Variants in HTR1F observed in about 807,000 individuals in gnomAD.
HTR1F encodes 5-hydroxytryptamine receptor 1F, also known as 5-hydroxytryptamine (serotonin) receptor 1F, G protein-coupled.
Under a neutral mutation model 24.0 loss-of-function variants are expected in HTR1F, and 17 were observed. That is an observed-to-expected ratio of 0.71 (90% confidence interval 0.48 to 1.06). The LOEUF (loss-of-function observed/expected upper bound fraction) is 1.06. Among genes scored for constraint, HTR1F ranks in the 50% least tolerant of loss-of-function variants. The pLI is 0.00. For missense variants in HTR1F, 391 were observed against 427.8 expected (o/e 0.91, Z 0.76); for synonymous variants, 186 against 156.8 (o/e 1.19, Z -1.39).
At chr3:87,873,958 G>C (rs1190366490) in intron 2 of HTR1F, among the ~76,000 whole-genome samples, 1 of 151,962 alleles carries the variant, frequency 6.6e-6, no homozygotes, top group African/African-American at 2.4e-5. Context: ...AACAAAATAG[G>C]AGTAGAAGAA....
At chr3:87,943,996 C>T (rs574136973) in intron 2 of HTR1F, among the ~76,000 whole-genome samples, 24 of 152,302 alleles carry the variant, frequency 1.6e-4, no homozygotes, top group African/African-American at 5.8e-4. Context: ...AGTACTAGAG[C>T]CCCCTCTGTG....
At chr3:87,885,967 G>A (rs936769134) in intron 2 of HTR1F, among the ~76,000 whole-genome samples, 24 of 152,078 alleles carry the variant, frequency 1.6e-4, no homozygotes. Flanking sequence ...AGAAAAAGAG[G>A]GAATCCTCCC....
At chr3:87,972,783 T>TA (rs987242374) in intron 2 of HTR1F, among the ~76,000 whole-genome samples, 1 of 152,172 alleles carries the variant, frequency 6.6e-6, no homozygotes, top group African/African-American at 2.4e-5. Context: ...AATCATGTCA[T>TA]ACGCTAAAGA....
At chr3:87,832,399 C>T (rs1285719049) in intron 2 of HTR1F, among the ~76,000 whole-genome samples, 1 of 148,854 alleles carries the variant, frequency 6.7e-6, no homozygotes, top group Non-Finnish European at 1.5e-5. Flanking sequence ...GCGATCTCGG[C>T]TCACTGCAAC....
intron 1 of HTR1F, among the ~76,000 whole-genome samples, chr3:87,797,929 G>A (rs1294558161): frequency 6.6e-6 from 1 of 152,118 alleles, no homozygotes; most frequent in African/African-American, 2.4e-5. Flanking sequence ...TGGCATGACT[G>A]GTGCTAGTAA....
At chr3:87,833,665 A>G (rs1032168395) in intron 2 of HTR1F, among the ~76,000 whole-genome samples, 2 of 151,910 alleles carry the variant, frequency 1.3e-5, no homozygotes, top group Non-Finnish European at 2.9e-5. Context: ...TTAAAATTTT[A>G]TGTAGAGCTA....
chr3:87,836,642 A>G (rs1482903580), intron 2 of HTR1F, among the ~76,000 whole-genome samples: 1 of 152,182 alleles, frequency 6.6e-6, no homozygotes, highest in African/African-American at 2.4e-5. Flanking sequence ...TATATTCAGA[A>G]TGTCCCAATC....
At chr3:87,899,614 C>A (rs1011146473) in intron 2 of HTR1F, among the ~76,000 whole-genome samples, 2 of 152,060 alleles carry the variant, frequency 1.3e-5, no homozygotes, top group African/African-American at 4.8e-5. Context: ...GCCTGTAATC[C>A]AGCTGTGGGA....
chr3:87,985,010 T>A (rs765055733), intron 2 of HTR1F, among the ~76,000 whole-genome samples: 2 of 152,164 alleles, frequency 1.3e-5, no homozygotes, highest in African/African-American at 4.8e-5. Context: ...CCCTTCTCAT[T>A]TTGTAACATA....
intron 2 of HTR1F, among the ~76,000 whole-genome samples, chr3:87,860,375 C>T (rs1358213826): frequency 6.6e-6 from 1 of 152,172 alleles, no homozygotes; most frequent in Non-Finnish European, 1.5e-5. Context: ...GCATAACATA[C>T]ACTGGATTGT....
chr3:87,910,143 C>G (rs554181213), intron 2 of HTR1F: 2 of 152,040 alleles, frequency 1.3e-5, no homozygotes, highest in South Asian at 4.1e-4. Flanking sequence ...AGTATACCTT[C>G]TCTCTTTTCT....
At chr3:87,883,363 G>A (rs1705854345) in intron 2 of HTR1F, among the ~76,000 whole-genome samples, 1 of 152,152 alleles carries the variant, frequency 6.6e-6, no homozygotes, top group Non-Finnish European at 1.5e-5. Flanking sequence ...CAAAGATGGG[G>A]AGAAACCAGA....
At chr3:87,829,871 G>C (rs559280472) in intron 2 of HTR1F, among the ~76,000 whole-genome samples, 15 of 152,240 alleles carry the variant, frequency 9.9e-5, no homozygotes, top group African/African-American at 1.4e-4. Flanking sequence ...TTACTGATAT[G>C]CTCAATTAGA....
At chr3:87,797,459 C>T (rs1703924375) in intron 1 of HTR1F, among the ~76,000 whole-genome samples, 1 of 152,028 alleles carries the variant, frequency 6.6e-6, no homozygotes, top group African/African-American at 2.4e-5. Flanking sequence ...TATTACAGAA[C>T]AAATCAAAAT....
At chr3:87,835,138 G>T (rs1216721207) in intron 2 of HTR1F, among the ~76,000 whole-genome samples, 1 of 152,092 alleles carries the variant, frequency 6.6e-6, no homozygotes, top group Non-Finnish European at 1.5e-5. Context: ...CAAACATCTT[G>T]ATTCCTGCTC....
intron 2 of HTR1F, among the ~76,000 whole-genome samples, chr3:87,902,603 T>A (rs936233336): frequency 1.3e-5 from 2 of 152,074 alleles, no homozygotes; most frequent in Non-Finnish European, 2.9e-5. Flanking sequence ...TTTTTTTATT[T>A]TATCATTATT....
At chr3:87,971,028 A>G (rs1053117189) in intron 2 of HTR1F, among the ~76,000 whole-genome samples, 3 of 152,120 alleles carry the variant, frequency 2.0e-5, no homozygotes, top group Admixed American at 6.6e-5. Flanking sequence ...CTCCCCTTCC[A>G]CAGATGACAC....
At chr3:87,869,552 G>C (rs1705510130) in intron 2 of HTR1F, among the ~76,000 whole-genome samples, 1 of 152,090 alleles carries the variant, frequency 6.6e-6, no homozygotes, top group Admixed American at 6.6e-5. Context: ...TGTTCAGGGT[G>C]AGTCGATAAA....
intron 2 of HTR1F, among the ~76,000 whole-genome samples, chr3:87,971,404 C>G (rs1320990728): frequency 6.6e-6 from 1 of 151,856 alleles, no homozygotes; most frequent in Non-Finnish European, 1.5e-5. Context: ...CCCGTTTCTA[C>G]AAAAATTAGC....
Sources: allele counts gnomAD v4.1 joint callset (sites outside exome capture counted in the v4.1 genomes callset), GRCh38; gene constraint gnomAD v4.1.1; transcripts MANE v1.5; gene names NCBI Gene and HGNC (gene_info 2026-07-23, HGNC 2026-07-21).